Variants in EYA4 observed in about 807,000 individuals in gnomAD.
EYA4 encodes EYA transcriptional coactivator and phosphatase 4, also known as protein phosphatase EYA4.
Under a neutral mutation model 87.9 loss-of-function variants are expected in EYA4, and 31 were observed. The ratio of observed to expected loss-of-function variants is 0.35; its 90% confidence interval spans 0.27 to 0.48. The LOEUF (loss-of-function observed/expected upper bound fraction) is 0.48. EYA4 is among the 20% of genes least tolerant of loss of function. EYA4 has a pLI of 0.99. For synonymous variants in EYA4, 263 were observed against 270.6 expected (o/e 0.97, Z 0.28); for missense variants, 678 against 761.4 (o/e 0.89, Z 1.29).
chr6:133,379,983 G>A (rs550578338), intron 2 of EYA4, among the ~76,000 whole-genome samples: 31 of 152,100 alleles, frequency 2.0e-4, no homozygotes, highest in African/African-American at 2.9e-4. Context: ...GCTTCCTCTG[G>A]CAAACTTCTT....
chr6:133,343,467 CTGT>C (rs1236017952), intron 2 of EYA4, among the ~76,000 whole-genome samples: 2 of 152,036 alleles, frequency 1.3e-5, no homozygotes, highest in Non-Finnish European at 2.9e-5. Flanking sequence ...TCCTGGATCA[CTGT>C]TGTTGTTTTT....
At chr6:133,310,082 C>T (rs1582916484) in intron 2 of EYA4, among the ~76,000 whole-genome samples, 1 of 152,298 alleles carries the variant, frequency 6.6e-6, no homozygotes, top group East Asian at 1.9e-4. Context: ...AGTTATCACA[C>T]AGCAGCGAAA....
At chr6:133,323,038 A>T (rs1781213107) in intron 2 of EYA4, among the ~76,000 whole-genome samples, 1 of 151,312 alleles carries the variant, frequency 6.6e-6, no homozygotes, top group Non-Finnish European at 1.5e-5. Context: ...AATTCATTTT[A>T]TTCTCTATAT....
intron 2 of EYA4, among the ~76,000 whole-genome samples, chr6:133,290,440 G>T (rs6926146): frequency 0.21 from 32,469 of 152,010 alleles, 3,947 homozygotes; most frequent in East Asian, 0.49. Flanking sequence ...ACAGTCTGTT[G>T]TATCAGACAT....
At chr6:133,446,057 C>T (rs1054796041) in intron 3 of EYA4, among the ~76,000 whole-genome samples, 3 of 152,136 alleles carry the variant, frequency 2.0e-5, no homozygotes, top group African/African-American at 7.2e-5. Flanking sequence ...CCTGGGTCAA[C>T]AAGGTCAGCT....
chr6:133,385,389 CTCTGTGTG>C (rs774627558), intron 3 of EYA4, among the ~76,000 whole-genome samples: 1,183 of 64,936 alleles, frequency 0.018, 37 homozygotes, highest in African/African-American at 0.03. Flanking sequence ...TGTATGCTCT[CTCTGTGTG>C]TGTGTGTGTG....
rs115740382 is a variant in EYA4 at position 133,455,519 on chromosome 6, A to G, written c.278-1037A>G. Among the ~76,000 whole-genome samples, 452 of 152,262 alleles carry G rather than the reference A, an allele frequency of 3.0e-3. 3 individuals carry two copies. Among genetic ancestry groups the G allele is most frequent in the African/African-American group, 0.01 (433 of 41,556 alleles). On this transcript the variant is annotated intron_variant, in intron 5 of 19. Coordinates refer to ENST00000355286, the MANE Select transcript of EYA4 (RefSeq NM_004100.5). ...ATCATTACCGCATGGTTTTCTATCA[A>G]TTAATTTCTTTTCTAACAGAATAAC...
At chr6:133,345,531 C>T (rs1393826601) in intron 2 of EYA4, among the ~76,000 whole-genome samples, 1 of 152,156 alleles carries the variant, frequency 6.6e-6, no homozygotes, top group African/African-American at 2.4e-5. Flanking sequence ...TTATCAATCT[C>T]ATTCACCTTT....
intron 9 of EYA4, among the ~76,000 whole-genome samples, chr6:133,463,078 A>G (rs140070433): frequency 6.6e-6 from 1 of 152,280 alleles, no homozygotes; most frequent in East Asian, 1.9e-4. Context: ...AGCAATTTAA[A>G]AGATCTGTAG....
chr6:133,315,894 T>C (rs1186286725), intron 2 of EYA4, among the ~76,000 whole-genome samples: 1 of 152,190 alleles, frequency 6.6e-6, no homozygotes, highest in Non-Finnish European at 1.5e-5. Flanking sequence ...GTGTGGGAAC[T>C]TCAGAAAAGG....
At chr6:133,375,749 A>G (rs1434142592) in intron 2 of EYA4, among the ~76,000 whole-genome samples, 1 of 151,904 alleles carries the variant, frequency 6.6e-6, no homozygotes, top group Admixed American at 6.6e-5. Context: ...CTTTTAAATT[A>G]CATTATTTAA....
chr6:133,318,141 G>C (rs1023576482), intron 2 of EYA4, among the ~76,000 whole-genome samples: 3 of 152,224 alleles, frequency 2.0e-5, no homozygotes, highest in Admixed American at 2.0e-4. Flanking sequence ...TTCTTAGCAT[G>C]TAGTTATTTA....
At chr6:133,321,498 G>C (rs993968821) in intron 2 of EYA4, among the ~76,000 whole-genome samples, 2 of 151,938 alleles carry the variant, frequency 1.3e-5, no homozygotes, top group African/African-American at 4.8e-5. Flanking sequence ...TTACATTTCT[G>C]CCAGTTGTTG....
chr6:133,407,670 T>A (rs1008003074), intron 3 of EYA4, among the ~76,000 whole-genome samples: 1 of 152,084 alleles, frequency 6.6e-6, no homozygotes, highest in African/African-American at 2.4e-5. Flanking sequence ...AATTTGTGGA[T>A]CAAACAGTGA....
chr6:133,499,475 G>A (rs1236999910), intron 13 of EYA4, among the ~76,000 whole-genome samples: 1 of 152,076 alleles, frequency 6.6e-6, no homozygotes, highest in East Asian at 1.9e-4. Flanking sequence ...TAATACATTT[G>A]GATTCCCTTC....
intron 2 of EYA4, among the ~76,000 whole-genome samples, chr6:133,306,884 C>T (rs1327480191): frequency 6.6e-6 from 1 of 152,132 alleles, no homozygotes; most frequent in Non-Finnish European, 1.5e-5. Context: ...ATCCATACTT[C>T]CCAGTCATTG....
chr6:133,275,927 C>G (rs1388497564), intron 2 of EYA4, among the ~76,000 whole-genome samples: 1 of 152,046 alleles, frequency 6.6e-6, no homozygotes, highest in Non-Finnish European at 1.5e-5. Flanking sequence ...GAGATATATT[C>G]CTCTAGAATT....
Position 133,528,751 on chromosome 6 carries a change from C to T in EYA4, c.1866C>T (p.Ser622=). 1 of 1,613,538 alleles carries T rather than the reference C, an allele frequency of 6.2e-7. No individual in the cohort carries two copies. Among genetic ancestry groups the T allele is most frequent in the Non-Finnish European group, 8.5e-7 (1 of 1,179,556 alleles). The change falls in exon 20 of 20, where the codon TCC becomes TCT. Residue 622 remains serine (S), a synonymous_variant. Transcript: ENST00000355286. ...KKHNMPFWRI[S]SHSDLLALHQ... is the part of the protein sequence containing the mutation. ...ACAACATGCCCTTCTGGAGGATATC[C>T]AGTCACTCAGACCTCCTGGCTCTCC... is the stretch of plus-strand genomic sequence containing the variant.
At chr6:133,524,106 AG>A in intron 18 of EYA4, among the ~76,000 whole-genome samples, 1 of 152,294 alleles carries the variant, frequency 6.6e-6, no homozygotes, top group East Asian at 1.9e-4. Flanking sequence ...TAAGCACTAC[AG>A]TTCAGAGCCT....
Sources: gnomAD v4.1 joint callset for allele counts (sites outside exome capture counted in the v4.1 genomes callset) on GRCh38, gnomAD v4.1.1 for gene constraint, MANE v1.5 for transcripts, NCBI Gene and HGNC (gene_info 2026-07-23, HGNC 2026-07-21) for gene names.